Variants in LAMA1 observed in about 807,000 individuals in gnomAD.
LAMA1 encodes the protein laminin subunit alpha 1.
In LAMA1, 219 loss-of-function variants were observed where a neutral mutation model predicts 348.7. That is an observed-to-expected ratio of 0.63 (90% confidence interval 0.56 to 0.70). LAMA1 has a LOEUF of 0.70. Ranked by LOEUF, LAMA1 falls within the 30% of genes least tolerant of loss-of-function variation. The pLI is 0.00. For missense variants in LAMA1, 3,744 were observed against 3,888.0 expected, an observed-to-expected ratio of 0.96 and a Z score of 0.99; for synonymous variants, 1,487 against 1,491.0, an observed-to-expected ratio of 1.00 and a Z score of 0.06.
intron 57 of LAMA1, among the ~76,000 whole-genome samples, chr18:6,952,127 C>T (rs1052377418): frequency 6.6e-6 from 1 of 152,048 alleles, no homozygotes; most frequent in Non-Finnish European, 1.5e-5. Flanking sequence ...TTAAGGTGAT[C>T]GGAACATAGA....
At chr18:7,080,229 T>G in intron 2 of LAMA1, 58 bp downstream of exon 2, 2 of 1,610,830 alleles carry the variant, frequency 1.2e-6, no homozygotes, top group South Asian at 2.2e-5. Flanking sequence ...GTCTCAGTCC[T>G]CATTTCACAA....
intron 29 of LAMA1, among the ~76,000 whole-genome samples, chr18:7,006,396 G>T (rs1568027633): frequency 6.6e-6 from 1 of 152,064 alleles, no homozygotes; most frequent in East Asian, 1.9e-4. Context: ...TGCAAGGAGA[G>T]GGCAATACTT....
chr18:6,997,696 C>G, intron 33 of LAMA1, 46 bp downstream of exon 33: 1 of 1,592,546 alleles, frequency 6.3e-7, no homozygotes, highest in African/African-American at 1.3e-5. Flanking sequence ...GACTATATCC[C>G]TTAATGATAC....
chr18:7,044,444 C>T (rs762926623), intron 7 of LAMA1, among the ~76,000 whole-genome samples: 42 of 151,826 alleles, frequency 2.8e-4, no homozygotes, highest in Non-Finnish European at 5.3e-4. Flanking sequence ...GAATATACAA[C>T]CTGGCATATC....
intron 1 of LAMA1, among the ~76,000 whole-genome samples, chr18:7,089,046 A>G (rs2058229030): frequency 6.6e-6 from 1 of 151,850 alleles, no homozygotes; most frequent in African/African-American, 2.4e-5. Flanking sequence ...TAGGTCCACA[A>G]GCTCTGCCAA....
At chr18:7,056,228 C>A (rs1170128161) in intron 3 of LAMA1, among the ~76,000 whole-genome samples, 4 of 152,152 alleles carry the variant, frequency 2.6e-5, no homozygotes. Flanking sequence ...TTGTGACCAT[C>A]CATTACTGCT....
intron 29 of LAMA1, among the ~76,000 whole-genome samples, chr18:7,003,114 C>A (rs1318237416): frequency 1.3e-5 from 2 of 152,064 alleles, no homozygotes; most frequent in Admixed American, 1.3e-4. Context: ...AACTCCTGGC[C>A]TCAGGTGATC....
At chr18:7,054,975 TTA>T (rs967309709) in intron 3 of LAMA1, among the ~76,000 whole-genome samples, 1 of 152,090 alleles carries the variant, frequency 6.6e-6, no homozygotes. Context: ...TGGTAACTGT[TTA>T]TGTTATCAGC....
intron 22 of LAMA1, 31 bp downstream of exon 22, chr18:7,015,691 G>A (rs763170553): frequency 6.2e-7 from 1 of 1,612,184 alleles, no homozygotes; most frequent in Non-Finnish European, 8.5e-7. Context: ...GCAACTCTCA[G>A]TTAAGCAAGA....
intron 3 of LAMA1, among the ~76,000 whole-genome samples, chr18:7,060,610 AG>A (rs1160733669): frequency 6.6e-6 from 1 of 152,186 alleles, no homozygotes; most frequent in African/African-American, 2.4e-5. Flanking sequence ...TGGACATTGA[AG>A]AAAAGCCAAA....
intron 61 of LAMA1, among the ~76,000 whole-genome samples, chr18:6,946,382 C>T (rs957132398): frequency 6.6e-6 from 1 of 151,958 alleles, no homozygotes; most frequent in Non-Finnish European, 1.5e-5. Flanking sequence ...TGGGTGTGGC[C>T]ATGATGGGGT....
chr18:7,042,086 C>T, intron 9 of LAMA1, 59 bp downstream of exon 9: 1 of 1,174,798 alleles, frequency 8.5e-7, no homozygotes, highest in Non-Finnish European at 1.3e-6. Context: ...CCAGTATGTG[C>T]AAATCTTCCA....
intron 11 of LAMA1, 133 bp from the exon 12 acceptor site, chr18:7,037,884 C>T: frequency 1.2e-6 from 1 of 854,116 alleles, no homozygotes. Context: ...AACATAACAC[C>T]TGTGGCTGCT....
At chr18:7,106,174 C>A (rs1351135651) in intron 1 of LAMA1, among the ~76,000 whole-genome samples, 2 of 152,130 alleles carry the variant, frequency 1.3e-5, no homozygotes, top group African/African-American at 4.8e-5. Flanking sequence ...ATGTACAGAG[C>A]ACTAGTCTGT....
chr18:7,075,674 ACGCCGGTAATT>A lies in LAMA1; in HGVS notation c.345+4290_345+4300del, dbSNP rs1290000312. ...AGCACTAGGCTGGGCGCGGTGGCTTACGCCGGTAATTCCAGCACTTTGGGAGGCCGAGGCAG... is the reference window on the plus strand; with the variant it reads ...AGCACTAGGCTGGGCGCGGTGGCTTACCAGCACTTTGGGAGGCCGAGGCAG... On this transcript the variant is annotated intron_variant, in intron 3 of 62. Transcript: ENST00000389658. Among the ~76,000 whole-genome samples, 10 of 152,284 alleles carry A rather than the reference ACGCCGGTAATT, an allele frequency of 6.6e-5. No individual in the cohort carries two copies. The East Asian group carries it at 1.9e-3, about 29-fold the overall frequency.
intron 1 of LAMA1, among the ~76,000 whole-genome samples, chr18:7,105,023 C>T (rs1344249365): frequency 6.6e-6 from 1 of 152,052 alleles, no homozygotes; most frequent in Non-Finnish European, 1.5e-5. Context: ...CTGAGTGTGA[C>T]AGGGATATGG....
chr18:7,024,346 C>T (rs548577), intron 18 of LAMA1, 34 bp downstream of exon 18: 621,832 of 1,543,306 alleles, frequency 0.4, 133,621 homozygotes, highest in African/African-American at 0.79. Context: ...TATTTAATTT[C>T]GAAAATGTGT....
chr18:7,092,217 C>G lies in LAMA1; in HGVS notation c.62-11760G>C, dbSNP rs566899338. On this transcript the variant is annotated intron_variant, in intron 1 of 62. Coordinates refer to ENST00000389658, the MANE Select transcript of LAMA1 (RefSeq NM_005559.4). ...ATACTTTGAACCTGGTAGTTTTTCT[C>G]TTTTTCAAAAGGCTATTCCTAGATT... Among the ~76,000 whole-genome samples, 4 of 152,264 alleles carry G rather than the reference C, an allele frequency of 2.6e-5. No individual in the cohort carries two copies. In the East Asian group the frequency reaches 7.7e-4, roughly 29 times the overall value.
rs759135613 is a variant in LAMA1, at chr18:7,008,467, T to C, written c.4122+21A>G. The stretch of plus-strand genomic sequence containing the variant: ...TTTCAACTCAAACCCAGGAAATAGA[T>C]TTCGACTAGAGTCTCCGTACCTGAC... On this transcript the variant is annotated intron_variant, in intron 28 of 62. Coordinates refer to ENST00000389658, the MANE Select transcript of LAMA1 (RefSeq NM_005559.4). The C allele has an allele frequency of 4.3e-6, 7 of 1,613,674 alleles. No homozygotes were observed. In the South Asian group the frequency reaches 6.6e-5, roughly 15 times the overall value.
Sources: allele counts gnomAD v4.1 joint callset (sites outside exome capture counted in the v4.1 genomes callset), GRCh38; gene constraint gnomAD v4.1.1; transcripts MANE v1.5; gene names NCBI Gene and HGNC (gene_info 2026-07-23, HGNC 2026-07-21).